RBFOX1: variants seen among roughly 807,000 people sequenced by gnomAD.
The protein encoded by RBFOX1 is RNA binding fox-1 homolog 1.
In RBFOX1, 8 loss-of-function variants were observed where a neutral mutation model predicts 57.7. The observed-to-expected ratio is 0.14, with a 90% CI of 0.08 to 0.25. The LOEUF (loss-of-function observed/expected upper bound fraction) is 0.25, where lower values mean the gene tolerates loss of function less well. Among genes scored for constraint, RBFOX1 ranks in the 10% least tolerant of loss-of-function variants. The pLI is 1.00. For synonymous variants in RBFOX1, 326 were observed against 222.4 expected (o/e 1.47, Z -4.15); for missense variants, 611 against 548.5 (o/e 1.11, Z -1.14).
At chr16:6,030,331 A>C (rs1409196400) in intron 1 of RBFOX1, among the ~76,000 whole-genome samples, 2 of 152,178 alleles carry the variant, frequency 1.3e-5, no homozygotes, top group Non-Finnish European at 2.9e-5. Flanking sequence ...TGTACCAGAC[A>C]CTTCTAAGTG....
intron 3 of RBFOX1, among the ~76,000 whole-genome samples, chr16:6,877,522 C>G (rs1252166972): frequency 6.6e-6 from 1 of 152,088 alleles, no homozygotes; most frequent in East Asian, 1.9e-4. Context: ...AAAAGAGCAT[C>G]GACTCTCAGT....
At chr16:5,755,304 T>C (rs2053353307) in intron 3 of RBFOX1, among the ~76,000 whole-genome samples, 1 of 151,864 alleles carries the variant, frequency 6.6e-6, no homozygotes, top group South Asian at 2.1e-4. Flanking sequence ...CTATGTCTAC[T>C]TCTTTCTACA....
chr16:6,287,760 G>A (rs1420035), intron 1 of RBFOX1, among the ~76,000 whole-genome samples: 115,136 of 151,994 alleles, frequency 0.76, 45,880 homozygotes, highest in Non-Finnish European at 0.87. Flanking sequence ...TCCATTTATC[G>A]TCATCTGATT....
chr16:5,942,469 G>T (rs1397947722), intron 4 of RBFOX1, among the ~76,000 whole-genome samples: 2 of 152,136 alleles, frequency 1.3e-5, no homozygotes, highest in Admixed American at 6.5e-5. Flanking sequence ...CCAATCTTAG[G>T]TTCTACAATA....
intron 2 of RBFOX1, among the ~76,000 whole-genome samples, chr16:6,545,563 G>A (rs1306903257): frequency 6.6e-6 from 1 of 152,124 alleles, no homozygotes; most frequent in Non-Finnish European, 1.5e-5. Flanking sequence ...TTTAGACTCT[G>A]CAGAAACGCA....
At chr16:5,815,892 C>T (rs1020503733) in intron 3 of RBFOX1, among the ~76,000 whole-genome samples, 1 of 152,042 alleles carries the variant, frequency 6.6e-6, no homozygotes, top group Non-Finnish European at 1.5e-5. Flanking sequence ...CTGGGGGCTG[C>T]GTTAGGTTTG....
chr16:5,875,633 G>C (rs373841543), intron 4 of RBFOX1, among the ~76,000 whole-genome samples: 122 of 152,220 alleles, frequency 8.0e-4, no homozygotes, highest in African/African-American at 2.9e-3. Flanking sequence ...AGCTACAATA[G>C]GAAATAGCAG....
chr16:5,315,536 G>A (rs1360379811), intron 1 of RBFOX1, among the ~76,000 whole-genome samples: 3 of 152,182 alleles, frequency 2.0e-5, no homozygotes, highest in Non-Finnish European at 4.4e-5. Flanking sequence ...TTTGAGCTGG[G>A]AGGGCTCCCC....
intron 4 of RBFOX1, among the ~76,000 whole-genome samples, chr16:7,312,643 T>C (rs1453559260): frequency 1.3e-5 from 2 of 152,220 alleles, no homozygotes; most frequent in African/African-American, 2.4e-5. Context: ...TGGATTGTAA[T>C]ATGGCTACAC....
At chr16:5,257,873 G>C (rs55866342) in intron 1 of RBFOX1, among the ~76,000 whole-genome samples, 1 of 151,928 alleles carries the variant, frequency 6.6e-6, no homozygotes, top group African/African-American at 2.4e-5. Context: ...GGGATCAAGA[G>C]GGTTTTTGTT....
intron 10 of RBFOX1, among the ~76,000 whole-genome samples, chr16:7,626,185 A>G (rs1401926202): frequency 2.6e-5 from 4 of 152,218 alleles, no homozygotes; most frequent in Non-Finnish European, 5.9e-5. Context: ...GTTTGAGTCC[A>G]GTTTTCCTCA....
At chr16:5,836,513 A>G (rs548913301) in intron 3 of RBFOX1, among the ~76,000 whole-genome samples, 1 of 152,252 alleles carries the variant, frequency 6.6e-6, no homozygotes, top group East Asian at 1.9e-4. Context: ...GCCATCCTCC[A>G]TACTTCCTTA....
intron 1 of RBFOX1, among the ~76,000 whole-genome samples, chr16:6,251,681 A>C (rs1047817112): frequency 2.0e-5 from 3 of 152,130 alleles, no homozygotes; most frequent in African/African-American, 7.2e-5. Context: ...GCATCAGTAC[A>C]TGTGAGTTAA....
chr16:6,501,759 C>T (rs1289597449), intron 2 of RBFOX1, among the ~76,000 whole-genome samples: 1 of 152,078 alleles, frequency 6.6e-6, no homozygotes, highest in Non-Finnish European at 1.5e-5. Context: ...CACTGCTTTT[C>T]CATATTCTTT....
At chr16:7,234,293 T>G (rs2093656419) in intron 4 of RBFOX1, among the ~76,000 whole-genome samples, 2 of 152,030 alleles carry the variant, frequency 1.3e-5, no homozygotes, top group South Asian at 2.1e-4. Context: ...CATTTCTCAG[T>G]GGTTTATCTT....
intron 4 of RBFOX1, among the ~76,000 whole-genome samples, chr16:5,957,660 A>G (rs1360342795): frequency 6.6e-6 from 1 of 152,172 alleles, no homozygotes; most frequent in African/African-American, 2.4e-5. Flanking sequence ...TTTTCATTAA[A>G]ACATTTTTAA....
At chr16:5,624,181 A>C (rs2048280022) in intron 3 of RBFOX1, among the ~76,000 whole-genome samples, 1 of 152,176 alleles carries the variant, frequency 6.6e-6, no homozygotes, top group Non-Finnish European at 1.5e-5. Context: ...AAGGCCTTTT[A>C]GTGACTCTCC....
intron 4 of RBFOX1, among the ~76,000 whole-genome samples, chr16:7,073,333 A>G (rs1412283667): frequency 6.6e-6 from 1 of 152,218 alleles, no homozygotes; most frequent in Non-Finnish European, 1.5e-5. Flanking sequence ...ATGAAGGGGC[A>G]TGGCCCATGA....
rs1436155822 is a variant in RBFOX1 at position 6,374,491 on chromosome 16, G to GT, written c.-64+57441dup. ...CTCTACTATTTTTGGCCATATATAT[G>GT]TTTTTTTAATTTTGGATCTATTATG... On this transcript the variant is annotated intron_variant, in intron 2 of 15. Coordinates refer to ENST00000550418, the MANE Select transcript of RBFOX1 (RefSeq NM_018723.4). Among the ~76,000 whole-genome samples, 10 of 152,122 alleles carry GT rather than the reference G, an allele frequency of 6.6e-5. No homozygotes were observed. The East Asian group carries it at 1.2e-3, about 18-fold the overall frequency.
Sources: allele counts gnomAD v4.1 joint callset (sites outside exome capture counted in the v4.1 genomes callset), GRCh38; gene constraint gnomAD v4.1.1; transcripts MANE v1.5; gene names NCBI Gene and HGNC (gene_info 2026-07-23, HGNC 2026-07-21).